Variants in ANKS1B observed in about 807,000 individuals in gnomAD.
ANKS1B encodes ankyrin repeat and sterile alpha motif domain containing 1B, also known as ankyrin repeat and sterile alpha motif domain-containing protein 1B.
In ANKS1B, 36 loss-of-function variants were observed where a neutral mutation model predicts 148.3. The observed-to-expected ratio is 0.24, with a 90% CI of 0.19 to 0.32. ANKS1B has a LOEUF of 0.32. Among genes scored for constraint, ANKS1B ranks in the 10% least tolerant of loss-of-function variants. ANKS1B has a pLI of 1.00. For synonymous variants in ANKS1B, 542 were observed against 560.8 expected, an observed-to-expected ratio of 0.97 and a Z score of 0.47; for missense variants, 1,157 against 1,542.6, an observed-to-expected ratio of 0.75 and a Z score of 4.19.
chr12:98,847,536 T>C (rs1297579114), intron 17 of ANKS1B, among the ~76,000 whole-genome samples: 1 of 152,216 alleles, frequency 6.6e-6, no homozygotes, highest in Non-Finnish European at 1.5e-5. Flanking sequence ...TTCCTTGTCT[T>C]AGGACATTGT....
intron 1 of ANKS1B, among the ~76,000 whole-genome samples, chr12:99,950,281 T>A (rs2095183831): frequency 6.6e-6 from 1 of 152,024 alleles, no homozygotes; most frequent in South Asian, 2.1e-4. Context: ...TTTTAGTAGC[T>A]TGTTCTCATC....
intron 17 of ANKS1B, among the ~76,000 whole-genome samples, chr12:98,899,259 T>C (rs2099768887): frequency 6.6e-6 from 1 of 152,226 alleles, no homozygotes; most frequent in Non-Finnish European, 1.5e-5. Flanking sequence ...TAATTTGTGA[T>C]ATGAATGTGA....
intron 1 of ANKS1B, among the ~76,000 whole-genome samples, chr12:99,836,186 T>A (rs1488557700): frequency 6.6e-6 from 1 of 152,086 alleles, no homozygotes; most frequent in Non-Finnish European, 1.5e-5. Context: ...TTTTTGTAAA[T>A]AAAGTTTCAT....
intron 12 of ANKS1B, among the ~76,000 whole-genome samples, chr12:99,395,323 G>A (rs2094208974): frequency 6.6e-6 from 1 of 152,114 alleles, no homozygotes; most frequent in South Asian, 2.1e-4. Flanking sequence ...CTGGGTTAAA[G>A]CCAAAGTCCT....
intron 9 of ANKS1B, among the ~76,000 whole-genome samples, chr12:99,566,917 TC>T (rs1383126611): frequency 2.3e-4 from 35 of 152,342 alleles, no homozygotes; most frequent in Non-Finnish European, 4.6e-4. Flanking sequence ...TACTGTCTAA[TC>T]CCAAAGCTGC....
At chr12:99,935,635 C>A (rs905270143) in intron 1 of ANKS1B, among the ~76,000 whole-genome samples, 5 of 152,134 alleles carry the variant, frequency 3.3e-5, no homozygotes, top group African/African-American at 1.2e-4. Flanking sequence ...CTAGATGCCA[C>A]CAGCGATTCC....
At chr12:99,067,138 A>G (rs1038216761) in intron 16 of ANKS1B, among the ~76,000 whole-genome samples, 3 of 152,230 alleles carry the variant, frequency 2.0e-5, no homozygotes, top group Admixed American at 1.3e-4. Flanking sequence ...TGTATCATGA[A>G]ACATTTTTGG....
At chr12:99,585,805 C>T (rs1411990315) in intron 9 of ANKS1B, among the ~76,000 whole-genome samples, 1 of 152,154 alleles carries the variant, frequency 6.6e-6, no homozygotes, top group Non-Finnish European at 1.5e-5. Context: ...TACCTTGGCT[C>T]CTTTTAGCCA....
At chr12:99,462,848 T>G (rs546942206) in intron 10 of ANKS1B, among the ~76,000 whole-genome samples, 1 of 152,030 alleles carries the variant, frequency 6.6e-6, no homozygotes, top group South Asian at 2.1e-4. Flanking sequence ...TTAAAAAGAG[T>G]CTAGGATCTA....
intron 17 of ANKS1B, among the ~76,000 whole-genome samples, chr12:98,841,985 G>A (rs1159748378): frequency 1.3e-5 from 2 of 152,112 alleles, no homozygotes. Flanking sequence ...GATTGTAAAT[G>A]GCACAGTCAC....
chr12:99,069,445 T>C (rs1042758820), intron 16 of ANKS1B, among the ~76,000 whole-genome samples: 12 of 152,174 alleles, frequency 7.9e-5, no homozygotes, highest in Non-Finnish European at 1.5e-4. Flanking sequence ...ATTTAGAAAA[T>C]TGTAAATACA....
intron 9 of ANKS1B, among the ~76,000 whole-genome samples, chr12:99,615,801 G>A (rs1011068400): frequency 6.6e-6 from 1 of 152,040 alleles, no homozygotes; most frequent in Non-Finnish European, 1.5e-5. Context: ...AGGGCAATCA[G>A]GCAAGAGAAA....
intron 9 of ANKS1B, among the ~76,000 whole-genome samples, chr12:99,622,260 T>C (rs2098062435): frequency 6.6e-6 from 1 of 151,996 alleles, no homozygotes; most frequent in Admixed American, 6.6e-5. Context: ...TAGGAAAGTT[T>C]ATAGCACTAA....
At chr12:99,796,430 A>G (rs2066264089) in intron 4 of ANKS1B, among the ~76,000 whole-genome samples, 1 of 151,940 alleles carries the variant, frequency 6.6e-6, no homozygotes, top group Non-Finnish European at 1.5e-5. Context: ...GAACTATTAT[A>G]TTCTAGACAA....
intron 1 of ANKS1B, among the ~76,000 whole-genome samples, chr12:99,884,146 T>C (rs1392865292): frequency 6.6e-6 from 1 of 151,972 alleles, no homozygotes; most frequent in Non-Finnish European, 1.5e-5. Context: ...TAATAGTAAA[T>C]AAGTACATGA....
At chr12:98,960,028 T>G (rs994488543) in intron 17 of ANKS1B, among the ~76,000 whole-genome samples, 1 of 152,192 alleles carries the variant, frequency 6.6e-6, no homozygotes, top group Admixed American at 6.5e-5. Flanking sequence ...GGATGGCACC[T>G]CTGGACCCAC....
At chr12:99,462,619 C>T (rs1168849215) in intron 10 of ANKS1B, among the ~76,000 whole-genome samples, 2 of 152,302 alleles carry the variant, frequency 1.3e-5, no homozygotes, top group African/African-American at 2.4e-5. Flanking sequence ...ATGACTGAGA[C>T]AGAAAAATCA....
chr12:99,794,490 C>T (rs61940293), intron 4 of ANKS1B, among the ~76,000 whole-genome samples: 5 of 149,554 alleles, frequency 3.3e-5, no homozygotes, highest in Middle Eastern at 3.2e-3. Flanking sequence ...CACACACACA[C>T]ATTTTCTTGG....
chr12:99,569,914 T>C (rs2097434282), intron 9 of ANKS1B, among the ~76,000 whole-genome samples: 1 of 152,156 alleles, frequency 6.6e-6, no homozygotes, highest in Admixed American at 6.5e-5. Flanking sequence ...TCCGATATCC[T>C]AGTCACGGTT....
Sources: allele counts gnomAD v4.1 joint callset (sites outside exome capture counted in the v4.1 genomes callset), GRCh38; gene constraint gnomAD v4.1.1; transcripts MANE v1.5; gene names NCBI Gene and HGNC (gene_info 2026-07-23, HGNC 2026-07-21).